XKR9: variants seen among roughly 807,000 people sequenced by gnomAD.
XKR9 encodes XK-related protein 9.
XKR9 carries 32 observed loss-of-function variants against 32.0 expected under a neutral mutation model. The ratio of observed to expected loss-of-function variants is 1.00; its 90% CI spans 0.76 to 1.34. The LOEUF (loss-of-function observed/expected upper bound fraction) is 1.34. XKR9 is among the 40% of genes most tolerant of loss of function. The pLI is 0.00. For missense variants in XKR9, 546 were observed against 429.7 expected (o/e 1.27, Z -2.39); for synonymous variants, 168 against 143.4 (o/e 1.17, Z -1.22).
At chr8:70,778,794 A>T (rs1807570234) in intron 2 of XKR9, among the ~76,000 whole-genome samples, 1 of 152,130 alleles carries the variant, frequency 6.6e-6, no homozygotes, top group African/African-American at 2.4e-5. Flanking sequence ...TTGCACATTG[A>T]TTTTGTATCC....
At chr8:70,725,529 A>T (rs111886259) in intron 4 of XKR9, among the ~76,000 whole-genome samples, 7 of 152,204 alleles carry the variant, frequency 4.6e-5, no homozygotes, top group African/African-American at 1.7e-4. Context: ...GGGTGAGGAG[A>T]TGTAGAGCAA....
chr8:70,882,312 A>G, the XKR9 span, among the ~76,000 whole-genome samples: 1 of 151,914 alleles, frequency 6.6e-6, no homozygotes, highest in Admixed American at 6.6e-5. Flanking sequence ...TTGTATTATA[A>G]AAAAATTAAG....
chr8:70,768,059 G>A (rs190522042), intron 2 of XKR9, among the ~76,000 whole-genome samples: 1 of 151,956 alleles, frequency 6.6e-6, no homozygotes, highest in Non-Finnish European at 1.5e-5. Context: ...TGTGAGCATT[G>A]TGCTATAAAT....
intron 3 of XKR9, among the ~76,000 whole-genome samples, chr8:70,702,832 C>G (rs1322584813): frequency 6.6e-6 from 1 of 152,044 alleles, no homozygotes; most frequent in African/African-American, 2.4e-5. Flanking sequence ...GAATTTGTAT[C>G]TTGCTTTTTA....
intron 2 of XKR9, among the ~76,000 whole-genome samples, chr8:70,770,793 T>G (rs1399946929): frequency 6.6e-6 from 1 of 152,192 alleles, no homozygotes; most frequent in African/African-American, 2.4e-5. Flanking sequence ...CAGGTGGACT[T>G]CAGACTGCGT....
At chr8:71,045,170 CTGTAGGTT>C in the XKR9 span, among the ~76,000 whole-genome samples, 1 of 152,078 alleles carries the variant, frequency 6.6e-6, no homozygotes, top group African/African-American at 2.4e-5. Flanking sequence ...TATCAAGAAG[CTGTAGGTT>C]ATAAATCTTT....
the XKR9 span, among the ~76,000 whole-genome samples, chr8:70,972,625 C>T: frequency 1.3e-5 from 2 of 152,092 alleles, no homozygotes; most frequent in East Asian, 3.9e-4. Flanking sequence ...TTTATTACCT[C>T]AAGTTATGTC....
At chr8:70,790,577 G>T (rs1236439529), downstream of XKR9, among the ~76,000 whole-genome samples, 2 of 151,978 alleles carry the variant, frequency 1.3e-5, no homozygotes, top group Admixed American at 6.6e-5. Flanking sequence ...GGGTTCCAAT[G>T]TCCAGCACCT....
the XKR9 span, among the ~76,000 whole-genome samples, chr8:71,000,032 T>C: frequency 6.6e-6 from 1 of 152,250 alleles, no homozygotes; most frequent in African/African-American, 2.4e-5. Flanking sequence ...GACATTAATT[T>C]TATTTTTAGT....
chr8:70,895,339 T>C, the XKR9 span, among the ~76,000 whole-genome samples: 2 of 152,204 alleles, frequency 1.3e-5, no homozygotes, highest in Admixed American at 1.3e-4. Context: ...GTTATTTTCA[T>C]GAAAATATCG....
chr8:70,767,687 G>A (rs1206045211), intron 2 of XKR9, among the ~76,000 whole-genome samples: 1 of 151,826 alleles, frequency 6.6e-6, no homozygotes, highest in Non-Finnish European at 1.5e-5. Flanking sequence ...AATTTTAATA[G>A]AGATGGGGTT....
At chr8:70,808,287 T>C in the XKR9 span, among the ~76,000 whole-genome samples, 1 of 152,170 alleles carries the variant, frequency 6.6e-6, no homozygotes, top group East Asian at 1.9e-4. Context: ...GGAACAGTTA[T>C]AGCACTAGAT....
intron 2 of XKR9, among the ~76,000 whole-genome samples, chr8:70,680,031 T>TATAGAGAG (rs1311013653): frequency 6.6e-6 from 1 of 151,972 alleles, no homozygotes; most frequent in African/African-American, 2.4e-5. Context: ...AATGTAGCAG[T>TATAGAGAG]ATAGAGAGAA....
At chr8:70,701,180 T>A (rs1289629331) in intron 3 of XKR9, among the ~76,000 whole-genome samples, 2 of 152,186 alleles carry the variant, frequency 1.3e-5, no homozygotes, top group African/African-American at 4.8e-5. Flanking sequence ...TCGTGCACAG[T>A]GTGCTGCACT....
chr8:70,877,591 G>A, the XKR9 span, among the ~76,000 whole-genome samples: 6 of 152,218 alleles, frequency 3.9e-5, no homozygotes, highest in East Asian at 9.7e-4. Flanking sequence ...ATGAAATAAA[G>A]CAAGAAAACA....
chr8:70,732,720 A>C (rs1806713576), intron 4 of XKR9, among the ~76,000 whole-genome samples: 1 of 152,228 alleles, frequency 6.6e-6, no homozygotes. Flanking sequence ...ACAGTGGTGT[A>C]TGCTAAAACC....
chr8:70,750,339 TA>T (rs1807122375), intron 2 of XKR9, among the ~76,000 whole-genome samples: 1 of 152,228 alleles, frequency 6.6e-6, no homozygotes, highest in African/African-American at 2.4e-5. Context: ...GAATGGAGTA[TA>T]TTTTTTTCCC....
At chr8:70,755,779 AG>A (rs2130194779) in intron 2 of XKR9, among the ~76,000 whole-genome samples, 1 of 80,072 alleles carries the variant, frequency 1.2e-5, no homozygotes, top group Admixed American at 1.3e-4. Flanking sequence ...GGAGGGGGGG[AG>A]GGTTAGCATT....
At chr8:71,012,011 A>T in the XKR9 span, among the ~76,000 whole-genome samples, 1 of 149,242 alleles carries the variant, frequency 6.7e-6, no homozygotes. Flanking sequence ...CTCTTTTTAC[A>T]TTGGTTATTG....
Sources: allele counts gnomAD v4.1 joint callset (sites outside exome capture counted in the v4.1 genomes callset), GRCh38; gene constraint gnomAD v4.1.1; transcripts MANE v1.5; gene names NCBI Gene and HGNC (gene_info 2026-07-23, HGNC 2026-07-21).